Variants in C11orf54 observed in about 807,000 individuals in gnomAD.
C11orf54 encodes beta-keto L-gulonate decarboxylase.
C11orf54 carries 29 observed loss-of-function variants against 35.5 expected under a neutral mutation model. The observed-to-expected ratio is 0.82, with a 90% CI of 0.61 to 1.11. The LOEUF (loss-of-function observed/expected upper bound fraction) is 1.11. C11orf54 is among the 50% of genes most tolerant of loss of function. The pLI is 0.00. For synonymous variants in C11orf54, 108 were observed against 121.1 expected, an observed-to-expected ratio of 0.89 and a Z score of 0.71; for missense variants, 373 against 369.2, an observed-to-expected ratio of 1.01 and a Z score of -0.08.
chr11:93,753,150 T>C (rs1362324122), intron 3 of C11orf54, among the ~76,000 whole-genome samples: 1 of 152,004 alleles, frequency 6.6e-6, no homozygotes, highest in Non-Finnish European at 1.5e-5. Context: ...GCCCAGCTAA[T>C]TTTTCTATTT....
At chr11:93,749,854 C>G (rs1174252462) in intron 2 of C11orf54, among the ~76,000 whole-genome samples, 1 of 152,166 alleles carries the variant, frequency 6.6e-6, no homozygotes, top group Non-Finnish European at 1.5e-5. Context: ...TTTCCAACAT[C>G]CCAGAAGGCT....
At position 93,759,860 on chromosome 11, in the gene C11orf54, T is replaced by A; in HGVS notation, c.774+2T>A. 1 of 1,530,276 alleles carries A rather than the reference T, an allele frequency of 6.5e-7. No individual in the cohort carries two copies. Among genetic ancestry groups the A allele is most frequent in the Non-Finnish European group, 9.0e-7 (1 of 1,109,622 alleles). The allele number at this position is 1,530,276 out of a possible 1,614,324, so 94.8% of individuals were successfully genotyped here. A position where few individuals can be genotyped will look rare whatever the true frequency, so the allele number is the denominator to read the frequency against. On this transcript the variant is annotated splice_donor_variant, in intron 8 of 8. Coordinates refer to ENST00000354421, the MANE Select transcript of C11orf54 (RefSeq NM_001286069.2). LOFTEE classifies it high-confidence loss of function. ...CCAGTTTTTGTCTCCAGAGACCCAG[T>A]AAGTCTGTGTCTGTTTTTTATATTA...
At chr11:93,755,676 T>A (rs530257867) in intron 6 of C11orf54, among the ~76,000 whole-genome samples, 1 of 148,836 alleles carries the variant, frequency 6.7e-6, no homozygotes, top group African/African-American at 2.5e-5. Flanking sequence ...TCGCTCAGAC[T>A]CGGAAGGCAG....
intron 8 of C11orf54, among the ~76,000 whole-genome samples, chr11:93,760,074 G>A (rs1943376759): frequency 1.3e-5 from 2 of 152,230 alleles, no homozygotes; most frequent in South Asian, 2.1e-4. Flanking sequence ...AGCCTCCCGG[G>A]TAGCTGGGAT....
At chr11:93,758,564 C>G (rs1296599946) in intron 7 of C11orf54, among the ~76,000 whole-genome samples, 2 of 152,260 alleles carry the variant, frequency 1.3e-5, no homozygotes, top group African/African-American at 2.4e-5. Flanking sequence ...CTTCTCCCTG[C>G]TGTCGGCGCC....
At chr11:93,755,152 C>G in intron 5 of C11orf54, 58 bp from the exon 6 acceptor site, 1 of 1,511,858 alleles carries the variant, frequency 6.6e-7, no homozygotes, top group Non-Finnish European at 9.1e-7. Context: ...TAACATTATT[C>G]AAGATATTCT....
Position 93,757,344 on chromosome 11 carries a change from C to A in C11orf54, c.536C>A (p.Thr179Asn), listed in dbSNP as rs776929922. 1 of 1,598,214 alleles carries A rather than the reference C, an allele frequency of 6.3e-7. No individual in the cohort carries two copies. Among genetic ancestry groups the A allele is most frequent in the Non-Finnish European group, 8.5e-7 (1 of 1,179,756 alleles). The change falls in exon 7 of 9, where the codon ACT becomes AAT. Residue 179 changes from threonine (T) to asparagine (N), a missense_variant. Physicochemically the swap from Thr to Asn is moderately conservative, Grantham distance 65 (BLOSUM62 0). Coordinates refer to ENST00000354421, the MANE Select transcript of C11orf54 (RefSeq NM_001286069.2). Reference sequence around the variant, plus strand: ...ATTGAGGTGAAAGCCAAAAGAAGAACTGGACCACTTAACTTTGTGACTTGT... The same window carrying A: ...ATTGAGGTGAAAGCCAAAAGAAGAAATGGACCACTTAACTTTGTGACTTGT... ...KVIEVKAKRR[T>N]GPLNFVTCMR...
At position 93,763,850 on chromosome 11, in the gene C11orf54, G is replaced by C. The variant is rs1943565782; in HGVS notation, c.*2162G>C. The C allele has an allele frequency of 6.6e-6, 1 of 152,260 alleles. No individual in the cohort carries two copies. Among genetic ancestry groups the C allele is most frequent in the Non-Finnish European group, 1.5e-5 (1 of 68,074 alleles). 9.4% of individuals were successfully genotyped at this position (152,260 alleles called of 1,614,324 possible). A position where few individuals can be genotyped will look rare whatever the true frequency, so the allele number is the denominator to read the frequency against. On this transcript the variant is annotated 3_prime_UTR_variant, in exon 9 of 9. Transcript: ENST00000354421. Reference sequence around the variant, plus strand: ...ATAATGAAGCTTTCTGGGGAAAGCAGGGCAGCTCCTAAGCAGGATTTGACA... The same window carrying C: ...ATAATGAAGCTTTCTGGGGAAAGCACGGCAGCTCCTAAGCAGGATTTGACA...
intron 1 of C11orf54, chr11:93,746,841 T>G (rs1942495991): frequency 6.6e-6 from 1 of 152,278 alleles, no homozygotes; most frequent in Admixed American, 6.5e-5. Context: ...ATCCTATATG[T>G]ACTATACAAA....
chr11:93,763,661 C>T lies in C11orf54; in HGVS notation c.*1973C>T, dbSNP rs1228069228. 1.3e-5 allele frequency: 2 copies of T among 152,112 alleles called. No homozygotes were observed. The highest frequency in any genetic ancestry group is 1.9e-4 in the East Asian group (1 of 5,184). The allele number at this position is 152,112 out of a possible 1,614,324, so 9.4% of individuals were successfully genotyped here. On this transcript the variant is annotated 3_prime_UTR_variant, in exon 9 of 9. Transcript: ENST00000354421. ...GTCCCAGCTGCTCAGGAGGCTGAGG[C>T]ACGAGAATCACTTGAGCCCAGAAGT...
rs139891911 is a variant in C11orf54, at chr11:93,759,806, A to G, written c.722A>G (p.Tyr241Cys). Reference sequence around the variant, plus strand: ...GAAGTGAATAAATGGTTGCATTTTTATGAAATGAAAGCTCCTTTGGTTTGT... The same window carrying G: ...GAAGTGAATAAATGGTTGCATTTTTGTGAAATGAAAGCTCCTTTGGTTTGT... ...DEEVNKWLHF[Y>C]EMKAPLVCLP... Residue 241 changes from tyrosine (Y) to cysteine (C), a missense_variant, in exon 8 of 9, where the codon TAT becomes TGT. Transcript: ENST00000354421. 387 of 1,611,136 alleles carry G rather than the reference A, an allele frequency of 2.4e-4. No individual in the cohort carries two copies. In the African/African-American group the frequency reaches 4.4e-3, roughly 18 times the overall value.
Position 93,761,499 on chromosome 11 carries a change from TTGTC to T in C11orf54, c.775-12_775-9del, listed in dbSNP as rs764344032. ...AATAATTTGAGTACTAACATATTGT[TTGTC>T]TGTTATCTTAGGGGTTTGATTTGCG... On this transcript the variant is annotated splice_polypyrimidine_tract_variant and intron_variant, in intron 8 of 8. Coordinates refer to ENST00000354421, the MANE Select transcript of C11orf54 (RefSeq NM_001286069.2). 4 of 1,587,874 alleles carry T rather than the reference TTGTC, an allele frequency of 2.5e-6. No individual in the cohort carries two copies. Among genetic ancestry groups the T allele is most frequent in the Non-Finnish European group, 3.4e-6 (4 of 1,168,362 alleles).
At position 93,754,480 on chromosome 11, in the gene C11orf54, T is replaced by G. The variant is rs185713760; in HGVS notation, c.330+443T>G. On this transcript the variant is annotated intron_variant, in intron 5 of 8. Transcript: ENST00000354421. ...TAGTATGATGGTTATTTATGAAAGT[T>G]AATAGTTATTACTAGTATATATTAT... is the stretch of plus-strand genomic sequence containing the variant. Among the ~76,000 whole-genome samples the G allele has an allele frequency of 3.5e-4, 54 of 152,318 alleles. 1 individual carries two copies. The highest frequency in any genetic ancestry group is 3.4e-3 in the Admixed American group (52 of 15,292).
chr11:93,756,946 C>T (rs1591360917), intron 6 of C11orf54, among the ~76,000 whole-genome samples: 1 of 152,096 alleles, frequency 6.6e-6, no homozygotes, highest in Non-Finnish European at 1.5e-5. Flanking sequence ...TCCCCACTTA[C>T]CAAAGGTTAA....
intron 2 of C11orf54, among the ~76,000 whole-genome samples, chr11:93,749,377 G>C (rs1362040098): frequency 6.6e-6 from 1 of 151,968 alleles, no homozygotes; most frequent in Non-Finnish European, 1.5e-5. Flanking sequence ...AGCTACTGGG[G>C]AGTTTGAGGT....
intron 2 of C11orf54, among the ~76,000 whole-genome samples, chr11:93,748,835 CA>C (rs35878883): frequency 0.56 from 77,273 of 137,916 alleles, 21,785 homozygotes; most frequent in Admixed American, 0.69. Flanking sequence ...GACTCAGTCT[CA>C]AAAAAAAAAA....
Position 93,747,346 on chromosome 11 carries a change from C to T in C11orf54, c.-48C>T. 1 of 1,461,654 alleles carries T rather than the reference C, an allele frequency of 6.8e-7. No homozygotes were observed. Among genetic ancestry groups the T allele is most frequent in the African/African-American group, 1.5e-5 (1 of 68,672 alleles). The allele number at this position is 1,461,654 out of a possible 1,614,324, so 90.5% of individuals were successfully genotyped here. The stretch of plus-strand genomic sequence containing the variant: ...CGCTGTGGACTCTTGTGATAATTAA[C>T]CAAGAGTAGCTCTATTTGTCCAACC... On this transcript the variant is annotated 5_prime_UTR_variant, in exon 2 of 9. Transcript: ENST00000354421.
chr11:93,759,635 T>C (rs190668374), intron 7 of C11orf54, 107 bp from the exon 8 acceptor site: 78 of 468,836 alleles, frequency 1.7e-4, no homozygotes, highest in African/African-American at 1.5e-3. Context: ...ACCCAGAACT[T>C]CAAGTATAAT....
At chr11:93,753,132 G>A (rs1311995285) in intron 3 of C11orf54, among the ~76,000 whole-genome samples, 5 of 151,850 alleles carry the variant, frequency 3.3e-5, no homozygotes, top group South Asian at 2.1e-4. Flanking sequence ...ATAGGCTCCC[G>A]CCACCATGCC....
Sources: gnomAD v4.1 joint callset for allele counts (sites outside exome capture counted in the v4.1 genomes callset) on GRCh38, gnomAD v4.1.1 for gene constraint, MANE v1.5 for transcripts, NCBI Gene and HGNC (gene_info 2026-07-23, HGNC 2026-07-21) for gene names.